The following TRAF3IP3 variants were observed in gnomAD, a reference collection of about 807,000 sequenced individuals.
TRAF3IP3 encodes TRAF3 interacting protein 3, also known as TRAF3-interacting JNK-activating modulator.
In TRAF3IP3, 64 loss-of-function variants were observed where a neutral mutation model predicts 86.5. The observed-to-expected ratio is 0.74, with a 90% CI of 0.60 to 0.91. The LOEUF is 0.91. Ranked by LOEUF, TRAF3IP3 falls within the 40% of genes least tolerant of loss-of-function variation. The pLI is 0.00. For missense variants in TRAF3IP3, 579 were observed against 642.9 expected (o/e 0.90, Z 1.07); for synonymous variants, 220 against 243.9 (o/e 0.90, Z 0.91).
chr1:209,758,489 G>A (rs1166769336), intron 1 of TRAF3IP3: 1 of 152,230 alleles, frequency 6.6e-6, no homozygotes, highest in East Asian at 1.9e-4. Flanking sequence ...GAGAAAACAA[G>A]AATCCTGCAG....
chr1:209,781,455 C>A lies in TRAF3IP3; in HGVS notation c.1560C>A (p.Pro520=). ...EELNQSQQLP[P]RRQCGRWLPV... ...TGAACCAGAGCCAGCAGCTGCCTCC[C>A]AGAGTAAGAGGGTCTCTCCTTCCCA... Residue 520 remains proline, a synonymous_variant, in exon 16 of 17, where the codon CCC becomes CCA. Coordinates refer to ENST00000367025, the MANE Select transcript of TRAF3IP3 (RefSeq NM_025228.4). The A allele has an allele frequency of 6.2e-7, 1 of 1,610,902 alleles. No homozygotes were observed. Among genetic ancestry groups the A allele is most frequent in the Non-Finnish European group, 8.5e-7 (1 of 1,177,460 alleles).
At chr1:209,763,207 G>A (rs1484036729) in intron 6 of TRAF3IP3, 115 bp downstream of exon 6, 8 of 1,391,756 alleles carry the variant, frequency 5.7e-6, no homozygotes, top group Non-Finnish European at 8.2e-6. Flanking sequence ...TGGATGGCAA[G>A]GGGGTACTGA....
At position 209,781,921 on chromosome 1, in the gene TRAF3IP3, C is replaced by CA; in HGVS notation, c.1564-134dup. On this transcript the variant is annotated intron_variant, in intron 16 of 16. Transcript: ENST00000367025. ...CCAAGACAGGTGACAAAATGGGAGA[C>CA]AGAGTAAAAAGCTTTTTCTCCACCA... The CA allele has an allele frequency of 4.6e-6, 3 of 657,700 alleles. No individual in the cohort carries two copies. In the East Asian group the frequency reaches 8.2e-5, roughly 18 times the overall value. The allele number at this position is 657,700 out of a possible 1,614,324, so 40.7% of individuals were successfully genotyped here. A position where few individuals can be genotyped will look rare whatever the true frequency, so the allele number is the denominator to read the frequency against.
intron 3 of TRAF3IP3, among the ~76,000 whole-genome samples, chr1:209,761,856 T>A (rs6691905): frequency 0.36 from 54,605 of 151,766 alleles, 12,993 homozygotes; most frequent in African/African-American, 0.68. Context: ...TAAGTGGCCA[T>A]AACCAAACAA....
In TRAF3IP3 at chr1:209,773,012, G is replaced by C. The variant is rs1199017920; in HGVS notation, c.767G>C (p.Cys256Ser). The change falls in exon 9 of 17, where the codon TGT becomes TCT. Residue 256 changes from cysteine to serine, a missense_variant. By Grantham distance (112) the Cys-to-Ser change is moderately radical. Transcript: ENST00000367025. ...TCCTTAGAAAACCAGCTATACACCT[G>C]TACCCAGGTAAGCATTCTGAAGGAT... The part of the protein sequence containing the change: ...LRSLENQLYT[C>S]TQKYSPWGMK... The C allele has an allele frequency of 6.2e-7, 1 of 1,610,310 alleles. No homozygotes were observed. Among genetic ancestry groups the C allele is most frequent in the South Asian group, 1.1e-5 (1 of 90,170 alleles).
At position 209,773,009 on chromosome 1, in the gene TRAF3IP3, C is replaced by T; in HGVS notation, c.764C>T (p.Thr255Ile). 1 of 1,611,932 alleles carries T rather than the reference C, an allele frequency of 6.2e-7. No individual in the cohort carries two copies. Among genetic ancestry groups the T allele is most frequent in the Non-Finnish European group, 8.5e-7 (1 of 1,179,168 alleles). ...KLRSLENQLY[T>I]CTQKYSPWGM... is the part of the protein sequence containing the mutation. Reference sequence around the variant, plus strand: ...AGATCCTTAGAAAACCAGCTATACACCTGTACCCAGGTAAGCATTCTGAAG... The same window carrying T: ...AGATCCTTAGAAAACCAGCTATACATCTGTACCCAGGTAAGCATTCTGAAG... Residue 255 changes from threonine (T) to isoleucine (I), a missense_variant, in exon 9 of 17, where the codon ACC becomes ATC. Thr to Ile is a moderately conservative substitution (Grantham distance 89). Transcript: ENST00000367025.
At chr1:209,766,730 C>T (rs937018590) in intron 8 of TRAF3IP3, among the ~76,000 whole-genome samples, 5 of 152,134 alleles carry the variant, frequency 3.3e-5, no homozygotes, top group South Asian at 2.1e-4. Context: ...TGAGCGTAAT[C>T]GTGCATGCCT....
chr1:209,777,962 C>A, intron 12 of TRAF3IP3, 149 bp from the exon 13 acceptor site: 1 of 698,772 alleles, frequency 1.4e-6, no homozygotes, highest in Non-Finnish European at 2.4e-6. Context: ...TTTACCTCTT[C>A]AGAACTGGGA....
chr1:209,775,155 T>G, intron 9 of TRAF3IP3, 194 bp from the exon 10 acceptor site: 1 of 604,454 alleles, frequency 1.7e-6, no homozygotes, highest in South Asian at 2.1e-5. Flanking sequence ...GGGCACTGTT[T>G]ATTATGCCCT....
chr1:209,781,322 G>T, intron 15 of TRAF3IP3, 23 bp from the exon 16 acceptor site: 1 of 1,532,006 alleles, frequency 6.5e-7, no homozygotes, highest in South Asian at 1.1e-5. Context: ...TGACAGTGAT[G>T]ACTTTGGTGA....
In TRAF3IP3 at chr1:209,760,261, G is replaced by C. The variant is rs1179587552; in HGVS notation, c.222G>C (p.Glu74Asp). 2 of 1,614,132 alleles carry C rather than the reference G, an allele frequency of 1.2e-6. No homozygotes were observed. Among genetic ancestry groups the C allele is most frequent in the African/African-American group, 2.7e-5 (2 of 74,950 alleles). ...QFFRRRNLEL[E>D]EKGKAQHPQA... ...TCAGGAGGAGGAACCTGGAGCTAGA[G>C]GAGAAGGGCAAAGCGCAGCATCCCC... The change falls in exon 3 of 17, where the codon GAG becomes GAC. Residue 74 changes from glutamate (E) to aspartate (D), a missense_variant. Physicochemically the swap from Glu to Asp is conservative, Grantham distance 45. Transcript: ENST00000367025.
intron 9 of TRAF3IP3, 63 bp from the exon 10 acceptor site, chr1:209,775,286 C>G: frequency 1.3e-6 from 2 of 1,496,302 alleles, no homozygotes; most frequent in Admixed American, 4.0e-5. Context: ...TTTCTGTATC[C>G]CAGCTCAGGA....
chr1:209,775,723 A>T lies in TRAF3IP3; in HGVS notation c.1040A>T (p.Gln347Leu), dbSNP rs375510760. Residue 347 changes from glutamine (Q) to leucine (L), a missense_variant, in exon 11 of 17, where the codon CAG (glutamine) becomes CTG (leucine). Coordinates refer to ENST00000367025, the MANE Select transcript of TRAF3IP3 (RefSeq NM_025228.4). The part of the protein sequence containing the change: ...RELESQLHVL[Q>L]SKLQGADSRD... ...CTGGAGAGCCAACTCCACGTGCTTC[A>T]GTCCAAACTGCAGGTACCAGGCACT... 30 of 1,612,312 alleles carry T rather than the reference A, an allele frequency of 1.9e-5. No homozygotes were observed. Among genetic ancestry groups the T allele is most frequent in the Non-Finnish European group, 2.5e-5 (30 of 1,179,374 alleles).
At position 209,760,385 on chromosome 1, in the gene TRAF3IP3, G is replaced by A; in HGVS notation, c.345+1G>A. On this transcript the variant is annotated splice_donor_variant, in intron 3 of 16. Coordinates refer to ENST00000367025, the MANE Select transcript of TRAF3IP3 (RefSeq NM_025228.4). LOFTEE classifies it high-confidence loss of function. ...AAGGATTTCTTCTCCCAGAGAGCAGGTGGGCCGTGTCAAGGGACATACTGC... is the reference window on the plus strand; with the variant it reads ...AAGGATTTCTTCTCCCAGAGAGCAGATGGGCCGTGTCAAGGGACATACTGC... The A allele has an allele frequency of 3.8e-6, 6 of 1,580,636 alleles. No individual in the cohort carries two copies. Among genetic ancestry groups the A allele is most frequent in the Non-Finnish European group, 5.2e-6 (6 of 1,163,042 alleles).
intron 3 of TRAF3IP3, 52 bp downstream of exon 3, chr1:209,760,436 C>A (rs2077226790): frequency 2.1e-6 from 3 of 1,458,384 alleles, no homozygotes; most frequent in Non-Finnish European, 1.8e-6. Context: ...CCTCTCTGGA[C>A]AAGGAGGGTG....
At chr1:209,763,331 A>ATCT (rs1558010912) in intron 6 of TRAF3IP3, 32 bp from the exon 7 acceptor site, 3 of 1,611,224 alleles carry the variant, frequency 1.9e-6, no homozygotes, top group Admixed American at 1.7e-5. Flanking sequence ...GGACTTACAG[A>ATCT]CATTTTGAAT....
intron 8 of TRAF3IP3, among the ~76,000 whole-genome samples, chr1:209,766,848 A>T (rs977848355): frequency 1.3e-5 from 2 of 152,242 alleles, no homozygotes; most frequent in African/African-American, 4.8e-5. Context: ...TGGGTGACGG[A>T]GCAAGATTCT....
At chr1:209,778,384 C>CTTCCA in intron 13 of TRAF3IP3, 1 of 488,078 alleles carries the variant, frequency 2.0e-6, no homozygotes. Context: ...TACTGTTCTC[C>CTTCCA]TTCCATGCCA....
At chr1:209,769,337 T>G (rs188440434) in intron 8 of TRAF3IP3, among the ~76,000 whole-genome samples, 2 of 152,110 alleles carry the variant, frequency 1.3e-5, no homozygotes, top group Non-Finnish European at 2.9e-5. Context: ...ATGCAGCCGT[T>G]TTACCAGTTA....
Sources: allele counts gnomAD v4.1 joint callset (sites outside exome capture counted in the v4.1 genomes callset), GRCh38; gene constraint gnomAD v4.1.1; transcripts MANE v1.5; gene names NCBI Gene and HGNC (gene_info 2026-07-23, HGNC 2026-07-21).